Variants in UGT1A8 observed in about 807,000 individuals in gnomAD.
UGT1A8 encodes the protein UDP-glucuronosyltransferase 1A8.
UGT1A8 carries 39 observed loss-of-function variants against 45.3 expected under a neutral mutation model. That is an observed-to-expected ratio of 0.86 (90% confidence interval 0.67 to 1.12). The LOEUF (loss-of-function observed/expected upper bound fraction) is 1.12. Among genes scored for constraint, UGT1A8 ranks in the 50% most tolerant of loss-of-function variants. The pLI is 0.00. For synonymous variants in UGT1A8, 275 were observed against 249.2 expected, an observed-to-expected ratio of 1.10 and a Z score of -0.97; for missense variants, 719 against 664.9, an observed-to-expected ratio of 1.08 and a Z score of -0.90.
intron 1 of UGT1A8, chr2:233,637,300 G>C: frequency 6.2e-7 from 1 of 1,613,900 alleles, no homozygotes; most frequent in Non-Finnish European, 8.5e-7. Context: ...CTTTGTTTTG[G>C]ACTATCCCAA....
intron 1 of UGT1A8, among the ~76,000 whole-genome samples, chr2:233,702,299 A>G (rs912021093): frequency 1.3e-5 from 2 of 152,188 alleles, no homozygotes; most frequent in African/African-American, 4.8e-5. Context: ...AGAGTTTTGT[A>G]TATTGATCTT....
chr2:233,642,953 C>T (rs906040579), intron 1 of UGT1A8, among the ~76,000 whole-genome samples: 2 of 152,196 alleles, frequency 1.3e-5, no homozygotes, highest in African/African-American at 4.8e-5. Context: ...TGGAGTGACA[C>T]AAGCATCCTT....
In UGT1A8 at chr2:233,725,300, A is replaced by G. The variant is rs956221010; in HGVS notation, c.856-41734A>G. The stretch of plus-strand genomic sequence containing the variant: ...CAGAGGCAGAGGCAGAGGCAGAGGC[A>G]GAGGCAGAGGCAGAGGCGCCTGGTC... On this transcript the variant is annotated intron_variant, in intron 1 of 4. Transcript: ENST00000373450. 9.4e-5 allele frequency among the ~76,000 whole-genome samples: 7 copies of G among 74,572 alleles called. 1 individual carries two copies. In the East Asian group the frequency reaches 1.7e-3, roughly 18 times the overall value. The allele number at this position is 74,572 out of a possible 152,430, so 48.9% of individuals were successfully genotyped here.
At chr2:233,663,953 T>C (rs185718152) in intron 1 of UGT1A8, among the ~76,000 whole-genome samples, 1 of 152,316 alleles carries the variant, frequency 6.6e-6, no homozygotes, top group East Asian at 1.9e-4. Context: ...TCTTTGTCCT[T>C]GCATCTAAGT....
At chr2:233,718,714 A>C in intron 1 of UGT1A8, 1 of 1,607,990 alleles carries the variant, frequency 6.2e-7, no homozygotes, top group Non-Finnish European at 8.5e-7. Flanking sequence ...TTCCAATTAC[A>C]TGCTGATTTG....
In UGT1A8 at chr2:233,767,120, G is replaced by A; in HGVS notation, c.942G>A (p.Lys314=). The A allele has an allele frequency of 1.2e-6, 2 of 1,614,156 alleles. No individual in the cohort carries two copies. The highest frequency in any genetic ancestry group is 1.7e-6 in the Non-Finnish European group (2 of 1,180,028). ...CAATGGTCTCAGAAATTCCAGAGAA[G>A]AAAGCTATGGCAATTGCTGATGCTT... ...LGSMVSEIPE[K]KAMAIADALG... The change falls in exon 2 of 5, where the codon AAG becomes AAA. Residue 314 remains lysine, a synonymous_variant. Transcript: ENST00000373450.
At position 233,757,353 on chromosome 2, in the gene UGT1A8, G is replaced by A. The variant is rs373045458; in HGVS notation, c.856-9681G>A. The stretch of plus-strand genomic sequence containing the variant: ...GGGACCATGACAGCTGGGTCTGAGA[G>A]ACAGTGGTAGAAACATCCAGATTCA... On this transcript the variant is annotated intron_variant, in intron 1 of 4. Transcript: ENST00000373450. Among the ~76,000 whole-genome samples, 3 of 151,254 alleles carry A rather than the reference G, an allele frequency of 2.0e-5. No homozygotes were observed. The East Asian group carries it at 5.9e-4, about 30-fold the overall frequency.
chr2:233,706,368 A>G (rs970049717), intron 1 of UGT1A8, among the ~76,000 whole-genome samples: 7 of 152,312 alleles, frequency 4.6e-5, no homozygotes, highest in Middle Eastern at 3.4e-3. Context: ...AATTTAGGCC[A>G]TTGTACAAAA....
At chr2:233,690,395 C>T in intron 1 of UGT1A8, 2 of 1,127,238 alleles carry the variant, frequency 1.8e-6, no homozygotes, top group Non-Finnish European at 2.3e-6. Context: ...CCAGACCTTC[C>T]TATTCCCAAC....
At chr2:233,706,455 T>A (rs1417577264) in intron 1 of UGT1A8, among the ~76,000 whole-genome samples, 1 of 152,244 alleles carries the variant, frequency 6.6e-6, no homozygotes, top group East Asian at 1.9e-4. Context: ...AAATGACCAT[T>A]GAGGTTTCAC....
chr2:233,717,616 G>C (rs555691364), intron 1 of UGT1A8, among the ~76,000 whole-genome samples: 1 of 152,342 alleles, frequency 6.6e-6, no homozygotes, highest in African/African-American at 2.4e-5. Flanking sequence ...ACAGCCCAGA[G>C]AGCCTGCCCA....
chr2:233,751,166 C>A lies in UGT1A8; in HGVS notation c.856-15868C>A, dbSNP rs1022992608. ...AGCCCACTTCTGGCATCAGCATGAC[C>A]TAGATATGAGACATGAAGTTAAAGG... On this transcript the variant is annotated intron_variant, in intron 1 of 4. Transcript: ENST00000373450. 3.9e-5 allele frequency among the ~76,000 whole-genome samples: 6 copies of A among 151,970 alleles called. 1 individual carries two copies. Among genetic ancestry groups the A allele is most frequent in the African/African-American group, 1.5e-4 (6 of 41,220 alleles).
chr2:233,729,088 C>CG (rs1559373560), intron 1 of UGT1A8: 1 of 1,612,432 alleles, frequency 6.2e-7, no homozygotes, highest in Admixed American at 1.7e-5. Flanking sequence ...GCAGGCACAG[C>CG]GTGGGGTGGA....
At position 233,749,692 on chromosome 2, in the gene UGT1A8, G is replaced by A. The variant is rs182705299; in HGVS notation, c.856-17342G>A. The stretch of plus-strand genomic sequence containing the variant: ...CCCCACGTGTCAAGGACAGGATCTG[G>A]TGGGAGGTGATTGGATCATGGGGGC... On this transcript the variant is annotated intron_variant, in intron 1 of 4. Transcript: ENST00000373450. Among the ~76,000 whole-genome samples the A allele has an allele frequency of 1.6e-4, 24 of 151,978 alleles. No homozygotes were observed. In the East Asian group the frequency reaches 4.2e-3, roughly 27 times the overall value.
intron 1 of UGT1A8, among the ~76,000 whole-genome samples, chr2:233,678,957 G>C (rs921540326): frequency 6.6e-6 from 1 of 152,194 alleles, no homozygotes; most frequent in African/African-American, 2.4e-5. Flanking sequence ...GAAATGTACT[G>C]TTTGGGGCTT....
intron 1 of UGT1A8, chr2:233,719,360 A>T: frequency 6.2e-7 from 1 of 1,613,910 alleles, no homozygotes; most frequent in Non-Finnish European, 8.5e-7. Context: ...CATGTGACTT[A>T]GACTTTAAGG....
At chr2:233,693,601 T>A (rs777955956) in intron 1 of UGT1A8, 17 of 1,614,056 alleles carry the variant, frequency 1.1e-5, no homozygotes, top group Non-Finnish European at 1.2e-5. Flanking sequence ...ACACAAAGTT[T>A]TCAGACCACA....
In UGT1A8 at chr2:233,617,657, G is replaced by A. The variant is rs2072924919; in HGVS notation, c.-51G>A. 1.3e-6 allele frequency: 2 copies of A among 1,577,970 alleles called. No individual in the cohort carries two copies. The highest frequency in any genetic ancestry group is 1.8e-5 in the Admixed American group (1 of 57,030). ...TGTGCCTGTAGTTCTTCCGCCTACT[G>A]TATCATAGCAGCTTAGAATCCCAGC... On this transcript the variant is annotated 5_prime_UTR_variant, in exon 1 of 5. Coordinates refer to ENST00000373450, the MANE Select transcript of UGT1A8 (RefSeq NM_019076.5).
At chr2:233,649,896 G>A (rs1401882224) in intron 1 of UGT1A8, among the ~76,000 whole-genome samples, 2 of 152,164 alleles carry the variant, frequency 1.3e-5, no homozygotes, top group Admixed American at 1.3e-4. Context: ...CTTGTGCTTT[G>A]TCTTCATTAT....
Sources: allele counts gnomAD v4.1 joint callset (sites outside exome capture counted in the v4.1 genomes callset), GRCh38; gene constraint gnomAD v4.1.1; transcripts MANE v1.5; gene names NCBI Gene and HGNC (gene_info 2026-07-23, HGNC 2026-07-21).